JAK1: variants seen among roughly 807,000 people sequenced by gnomAD.
The protein encoded by JAK1 is Janus kinase 1.
A neutral mutation model predicts 136.6 loss-of-function variants in JAK1; 16 were observed. The observed-to-expected ratio is 0.12, with a 90% CI of 0.08 to 0.18. The LOEUF is 0.18. Ranked by LOEUF, JAK1 falls within the 10% of genes least tolerant of loss-of-function variation. The pLI is 1.00. For missense variants in JAK1, 859 were observed against 1,450.1 expected (o/e 0.59, Z 6.62); for synonymous variants, 492 against 519.5 (o/e 0.95, Z 0.72).
At chr1:65,042,391 C>T (rs191290026) in intron 2 of JAK1, among the ~76,000 whole-genome samples, 21 of 149,180 alleles carry the variant, frequency 1.4e-4, no homozygotes, top group African/African-American at 4.3e-4. Flanking sequence ...TTATGAAAAA[C>T]CAGGCACTCT....
chr1:64,946,352 C>T (rs966143288), intron 1 of JAK1, among the ~76,000 whole-genome samples: 2 of 152,192 alleles, frequency 1.3e-5, no homozygotes, highest in Non-Finnish European at 2.9e-5. Flanking sequence ...GTATAACCAA[C>T]CCCCTCTCTG....
chr1:65,048,947 A>C (rs1429456777), intron 1 of JAK1, among the ~76,000 whole-genome samples: 2 of 152,234 alleles, frequency 1.3e-5, no homozygotes, highest in East Asian at 3.8e-4. Context: ...AAGCAAATGA[A>C]ATCTTTGAGG....
At chr1:64,895,062 C>T (rs1318734018) in intron 1 of JAK1, among the ~76,000 whole-genome samples, 1 of 152,144 alleles carries the variant, frequency 6.6e-6, no homozygotes, top group Non-Finnish European at 1.5e-5. Flanking sequence ...TGCCACCTCT[C>T]ACTCCTCCCC....
intron 2 of JAK1, among the ~76,000 whole-genome samples, chr1:65,030,518 C>G (rs72922290): frequency 1.3e-4 from 20 of 149,494 alleles, no homozygotes; most frequent in African/African-American, 4.5e-4. Context: ...TTAACATAGT[C>G]CCCAAAACCT....
intron 2 of JAK1, among the ~76,000 whole-genome samples, chr1:65,014,977 G>A (rs1436574432): frequency 1.3e-5 from 2 of 152,018 alleles, no homozygotes; most frequent in African/African-American, 2.4e-5. Flanking sequence ...GAGCCACCGC[G>A]CCCGGCCCAT....
At chr1:64,973,637 A>T (rs990029261) in intron 2 of JAK1, 1 of 151,450 alleles carries the variant, frequency 6.6e-6, no homozygotes, top group Non-Finnish European at 1.5e-5. Context: ...AAAAAAAAAA[A>T]AAAAGGAAAA....
At chr1:64,929,176 A>G (rs1448838243) in intron 1 of JAK1, among the ~76,000 whole-genome samples, 1 of 152,222 alleles carries the variant, frequency 6.6e-6, no homozygotes, top group Non-Finnish European at 1.5e-5. Flanking sequence ...TTATGCTCTT[A>G]TCACAGGGGA....
rs889145684 is a variant in JAK1, at chr1:64,852,501, A to C, written c.1649-1591T>G. Among the ~76,000 whole-genome samples, 4 of 152,192 alleles carry C rather than the reference A, an allele frequency of 2.6e-5. No homozygotes were observed. The East Asian group carries it at 7.7e-4, about 29-fold the overall frequency. On this transcript the variant is annotated intron_variant, in intron 11 of 24. Coordinates refer to ENST00000342505, the MANE Select transcript of JAK1 (RefSeq NM_002227.4). ...CACTCTGTTACCTGGGGAAAATCCG[A>C]TTCAGAGGCAACTCAGGCTCAACTC...
At chr1:65,041,247 T>G (rs1216659828) in intron 2 of JAK1, among the ~76,000 whole-genome samples, 1 of 152,136 alleles carries the variant, frequency 6.6e-6, no homozygotes, top group Non-Finnish European at 1.5e-5. Flanking sequence ...TTTACAGTGT[T>G]GAAGGGGGAA....
chr1:65,042,984 C>T (rs914957016), intron 2 of JAK1, among the ~76,000 whole-genome samples: 1 of 152,146 alleles, frequency 6.6e-6, no homozygotes, highest in South Asian at 2.1e-4. Flanking sequence ...TTGGTGTGGG[C>T]CCATTACAGG....
In JAK1 at chr1:64,989,456, G is replaced by C. The variant is rs946062083; in HGVS notation, c.-78+55024C>G. On this transcript the variant is annotated intron_variant, in intron 2 of 25. Coordinates refer to the JAK1 transcript ENST00000671954. ...TTACCTTGCAATGGTCCTGAAGACA[G>C]CAGCCCATACTGTCGGCATGGGAGT... 3.3e-5 allele frequency: 5 copies of C among 152,118 alleles called. No homozygotes were observed. In the South Asian group the frequency reaches 6.2e-4, roughly 19 times the overall value. The allele number at this position is 152,118 out of a possible 1,614,324, so 9.4% of individuals were successfully genotyped here. A position where few individuals can be genotyped will look rare whatever the true frequency, so the allele number is the denominator to read the frequency against.
chr1:64,945,119 T>A (rs1476842382), intron 1 of JAK1, among the ~76,000 whole-genome samples: 1 of 151,868 alleles, frequency 6.6e-6, no homozygotes, highest in East Asian at 1.9e-4. Context: ...ACTCCAACAG[T>A]CCACTAGCCC....
chr1:64,953,911 G>A (rs1646136646), intron 1 of JAK1, among the ~76,000 whole-genome samples: 1 of 152,154 alleles, frequency 6.6e-6, no homozygotes, highest in Non-Finnish European at 1.5e-5. Flanking sequence ...CTGACCTCAA[G>A]TGATCTGCCT....
chr1:64,960,777 A>C (rs1212413905), intron 1 of JAK1, among the ~76,000 whole-genome samples: 3 of 152,208 alleles, frequency 2.0e-5, no homozygotes, highest in African/African-American at 7.2e-5. Flanking sequence ...CCTAACCCCT[A>C]AATGAGACAT....
At chr1:64,994,914 G>A (rs1187402852) in intron 2 of JAK1, 1 of 145,664 alleles carries the variant, frequency 6.9e-6, no homozygotes, top group Non-Finnish European at 1.5e-5. Flanking sequence ...AAGAATTACA[G>A]TAAGACGTGA....
intron 1 of JAK1, among the ~76,000 whole-genome samples, chr1:64,890,868 C>T (rs943235946): frequency 5.9e-5 from 9 of 152,186 alleles, no homozygotes; most frequent in Non-Finnish European, 7.3e-5. Context: ...GTTAAGAGCA[C>T]GGGCTGGAGT....
intron 1 of JAK1, among the ~76,000 whole-genome samples, chr1:64,904,448 T>C (rs1445999397): frequency 6.6e-6 from 1 of 152,200 alleles, no homozygotes; most frequent in Non-Finnish European, 1.5e-5. Flanking sequence ...TGGTTAAACA[T>C]AGTTAAATAA....
At chr1:64,947,080 A>G (rs1359190889) in intron 1 of JAK1, among the ~76,000 whole-genome samples, 1 of 152,212 alleles carries the variant, frequency 6.6e-6, no homozygotes, top group African/African-American at 2.4e-5. Flanking sequence ...GGTAGTTATT[A>G]TCTACTGGGT....
At chr1:65,031,036 C>T (rs923294170) in intron 2 of JAK1, among the ~76,000 whole-genome samples, 1 of 151,772 alleles carries the variant, frequency 6.6e-6, no homozygotes, top group East Asian at 2.0e-4. Context: ...CACCTGTAGT[C>T]CCAGCTACTC....
Sources: gnomAD v4.1 joint callset for allele counts (sites outside exome capture counted in the v4.1 genomes callset) on GRCh38, gnomAD v4.1.1 for gene constraint, MANE v1.5 for transcripts, NCBI Gene and HGNC (gene_info 2026-07-23, HGNC 2026-07-21) for gene names.